Variants in HCN1 observed in about 807,000 individuals in gnomAD.
HCN1 encodes the protein hyperpolarization activated cyclic nucleotide gated potassium channel 1, also known as potassium/sodium hyperpolarization-activated cyclic nucleotide-gated channel 1.
HCN1 carries 13 observed loss-of-function variants against 78.9 expected under a neutral mutation model. The ratio of observed to expected loss-of-function variants is 0.16; its 90% CI spans 0.11 to 0.26. The LOEUF is 0.26. Ranked by LOEUF, HCN1 falls within the 10% of genes least tolerant of loss-of-function variation. The pLI is 1.00. For missense variants in HCN1, 810 were observed against 1,154.3 expected, an observed-to-expected ratio of 0.70 and a Z score of 4.32; for synonymous variants, 552 against 455.5, an observed-to-expected ratio of 1.21 and a Z score of -2.70.
At chr5:45,456,378 A>G (rs1427534284) in intron 3 of HCN1, among the ~76,000 whole-genome samples, 2 of 152,022 alleles carry the variant, frequency 1.3e-5, no homozygotes, top group East Asian at 1.9e-4. Context: ...TTGATTATAA[A>G]CAATATTTTA....
intron 2 of HCN1, among the ~76,000 whole-genome samples, chr5:45,482,003 G>T (rs1407194009): frequency 6.6e-6 from 1 of 152,118 alleles, no homozygotes; most frequent in Non-Finnish European, 1.5e-5. Flanking sequence ...ATGTAGTTGG[G>T]TATGTGATAG....
intron 2 of HCN1, among the ~76,000 whole-genome samples, chr5:45,465,838 C>T (rs943430657): frequency 2.0e-5 from 3 of 152,138 alleles, no homozygotes; most frequent in African/African-American, 7.2e-5. Context: ...AGACACGGTG[C>T]TTTACATTTG....
intron 6 of HCN1, among the ~76,000 whole-genome samples, chr5:45,271,448 T>C (rs1744959984): frequency 6.6e-6 from 1 of 151,776 alleles, no homozygotes; most frequent in Non-Finnish European, 1.5e-5. Context: ...TTTGGTATAG[T>C]ATTGGCCTGG....
Position 45,331,439 on chromosome 5 carries a change from G to A in HCN1, c.1377+21661C>T, listed in dbSNP as rs139204004. On this transcript the variant is annotated intron_variant, in intron 5 of 7. Transcript: ENST00000303230. ...AGGTATATAAATCCTGTGTATAACC[G>A]TAACAGGAGAAGTAGTTTTAAAATA... Among the ~76,000 whole-genome samples, 158 of 151,290 alleles carry A rather than the reference G, an allele frequency of 1.0e-3. No homozygotes were observed. In the Middle Eastern group the frequency reaches 0.014, roughly 13 times the overall value.
In HCN1 at chr5:45,695,689, G is replaced by A; in HGVS notation, c.405C>T (p.Ile135=). Reference sequence around the variant, plus strand: ...CTCACCTGAAATCACTGTAAGGGTGGATAATCCAGAAGCCTGCAGTTTTAA... The same window carrying A: ...CTCACCTGAAATCACTGTAAGGGTGAATAATCCAGAAGCCTGCAGTTTTAA... The part of the protein sequence containing the change: ...ERVKTAGFWI[I]HPYSDFRFYW... Residue 135 remains isoleucine (I), a synonymous_variant, in exon 1 of 8, where the codon ATC becomes ATT. Coordinates refer to ENST00000303230, the MANE Select transcript of HCN1 (RefSeq NM_021072.4). The A allele has an allele frequency of 6.2e-7, 1 of 1,612,418 alleles. No homozygotes were observed. Among genetic ancestry groups the A allele is most frequent in the Non-Finnish European group, 8.5e-7 (1 of 1,179,628 alleles).
intron 5 of HCN1, among the ~76,000 whole-genome samples, chr5:45,320,023 C>T (rs1422309215): frequency 6.6e-6 from 1 of 151,804 alleles, no homozygotes; most frequent in East Asian, 1.9e-4. Flanking sequence ...GGTAGCTATA[C>T]ATATAATTTC....
chr5:45,645,941 G>C (rs1745539881), intron 1 of HCN1, among the ~76,000 whole-genome samples: 1 of 151,812 alleles, frequency 6.6e-6, no homozygotes, highest in South Asian at 2.1e-4. Flanking sequence ...AATATAGACA[G>C]AAACTAGAAA....
At position 45,693,388 on chromosome 5, in the gene HCN1, G is replaced by A. The variant is rs1739951110; in HGVS notation, c.425+2281C>T. The stretch of plus-strand genomic sequence containing the variant: ...AATCTATTTTTTCAGATATCTTTCA[G>A]TTTAAAAAGATCTAAATAATGATAA... On this transcript the variant is annotated intron_variant, in intron 1 of 7. Coordinates refer to ENST00000303230, the MANE Select transcript of HCN1 (RefSeq NM_021072.4). Among the ~76,000 whole-genome samples the A allele has an allele frequency of 2.0e-5, 3 of 151,852 alleles. No homozygotes were observed. In the South Asian group the frequency reaches 6.2e-4, roughly 31 times the overall value.
At chr5:45,590,615 A>C (rs1744341226) in intron 2 of HCN1, among the ~76,000 whole-genome samples, 1 of 152,124 alleles carries the variant, frequency 6.6e-6, no homozygotes, top group Non-Finnish European at 1.5e-5. Flanking sequence ...CTGCCCTAAT[A>C]ATCATCTAGG....
intron 2 of HCN1, among the ~76,000 whole-genome samples, chr5:45,497,396 C>T (rs539694491): frequency 1.9e-4 from 29 of 152,136 alleles, no homozygotes; most frequent in South Asian, 1.9e-3. Flanking sequence ...CTGTATTGGG[C>T]GCATATATAT....
intron 6 of HCN1, among the ~76,000 whole-genome samples, chr5:45,285,787 T>C (rs1452101996): frequency 6.6e-6 from 1 of 151,958 alleles, no homozygotes; most frequent in Non-Finnish European, 1.5e-5. Flanking sequence ...CATACCCCCT[T>C]GCAGAACTGG....
chr5:45,297,310 A>G (rs1745517409), intron 6 of HCN1, among the ~76,000 whole-genome samples: 1 of 152,098 alleles, frequency 6.6e-6, no homozygotes, highest in African/African-American at 2.4e-5. Context: ...TGGGCGGGCC[A>G]GGTGTTCCTT....
chr5:45,594,651 C>T (rs1454561498), intron 2 of HCN1, among the ~76,000 whole-genome samples: 5 of 152,268 alleles, frequency 3.3e-5, no homozygotes, highest in East Asian at 1.9e-4. Flanking sequence ...AAAATAGATA[C>T]ATTTTTCATT....
At chr5:45,425,395 G>A (rs1294520350) in intron 3 of HCN1, among the ~76,000 whole-genome samples, 1 of 152,118 alleles carries the variant, frequency 6.6e-6, no homozygotes, top group African/African-American at 2.4e-5. Context: ...TTACAAAAGT[G>A]CATAAAATAA....
chr5:45,274,752 G>T (rs1324637375), intron 6 of HCN1, among the ~76,000 whole-genome samples: 2 of 152,218 alleles, frequency 1.3e-5, no homozygotes, highest in Non-Finnish European at 2.9e-5. Context: ...AAATTCCTTA[G>T]ACTGTGTCTT....
At chr5:45,657,119 C>A (rs576236049) in intron 1 of HCN1, among the ~76,000 whole-genome samples, 1 of 152,072 alleles carries the variant, frequency 6.6e-6, no homozygotes, top group East Asian at 1.9e-4. Context: ...GGCAGACCAA[C>A]ATTTGCTGTG....
intron 2 of HCN1, among the ~76,000 whole-genome samples, chr5:45,615,748 T>G (rs1037025216): frequency 6.6e-6 from 1 of 151,986 alleles, no homozygotes; most frequent in South Asian, 2.1e-4. Flanking sequence ...TATTTTCAAT[T>G]ATCTATGTCT....
intron 2 of HCN1, among the ~76,000 whole-genome samples, chr5:45,471,838 C>T (rs1741395977): frequency 6.6e-6 from 1 of 151,966 alleles, no homozygotes; most frequent in Admixed American, 6.6e-5. Context: ...ACTGCTGTTA[C>T]TGAGTTAATT....
At chr5:45,523,498 C>T (rs1365550486) in intron 2 of HCN1, among the ~76,000 whole-genome samples, 1 of 152,126 alleles carries the variant, frequency 6.6e-6, no homozygotes, top group Non-Finnish European at 1.5e-5. Flanking sequence ...GTTCCTATTT[C>T]TCCACATACT....
Sources: allele counts gnomAD v4.1 joint callset (sites outside exome capture counted in the v4.1 genomes callset), GRCh38; gene constraint gnomAD v4.1.1; transcripts MANE v1.5; gene names NCBI Gene and HGNC (gene_info 2026-07-23, HGNC 2026-07-21).